The following TLE4 variants were observed in gnomAD, a reference collection of about 807,000 sequenced individuals.
TLE4 encodes the protein transducin-like enhancer protein 4.
Under a neutral mutation model 92.8 loss-of-function variants are expected in TLE4, and 8 were observed. The ratio of observed to expected loss-of-function variants is 0.09; its 90% CI spans 0.05 to 0.16. TLE4 has a LOEUF of 0.16. Ranked by LOEUF, TLE4 falls within the 10% of genes least tolerant of loss-of-function variation. The pLI, the probability that TLE4 is intolerant of heterozygous loss-of-function variation, is 1.00. For missense variants in TLE4, 675 were observed against 997.6 expected, an observed-to-expected ratio of 0.68 and a Z score of 4.36; for synonymous variants, 371 against 374.1, an observed-to-expected ratio of 0.99 and a Z score of 0.10.
In TLE4 at chr9:79,659,329, G is replaced by A. The variant is rs137991157; in HGVS notation, c.609+5254G>A. ...TTTCTATCTATACTTTTTCTTTGCC[G>A]AAGTATTTGTATGCTCATTTTGCTC... On this transcript the variant is annotated intron_variant, in intron 8 of 19. Transcript: ENST00000376552. 5.9e-5 allele frequency among the ~76,000 whole-genome samples: 9 copies of A among 152,102 alleles called. No homozygotes were observed. In the East Asian group the frequency reaches 1.4e-3, roughly 23 times the overall value.
intron 4 of TLE4, among the ~76,000 whole-genome samples, chr9:79,606,739 G>A (rs2047091644): frequency 6.6e-6 from 1 of 152,104 alleles, no homozygotes; most frequent in African/African-American, 2.4e-5. Flanking sequence ...GTATTCCATG[G>A]TGTATATGTA....
At chr9:79,605,596 T>G (rs1454271753) in intron 4 of TLE4, among the ~76,000 whole-genome samples, 1 of 152,080 alleles carries the variant, frequency 6.6e-6, no homozygotes, top group Non-Finnish European at 1.5e-5. Context: ...CTTTAACCAT[T>G]GTAAAAATGC....
chr9:79,706,909 T>C lies in TLE4; in HGVS notation c.936+10T>C. 1 of 1,613,128 alleles carries C rather than the reference T, an allele frequency of 6.2e-7. No homozygotes were observed. On this transcript the variant is annotated intron_variant, in intron 11 of 19. Coordinates refer to ENST00000376552, the MANE Select transcript of TLE4 (RefSeq NM_007005.6). The stretch of plus-strand genomic sequence containing the variant: ...CAAAGAACTTAGCCTTGTAAGCAGC[T>C]CCTTACCATCTCTCTGAGTGTGGCC...
intron 17 of TLE4, among the ~76,000 whole-genome samples, chr9:79,722,090 G>A (rs1040730818): frequency 1.3e-5 from 2 of 152,168 alleles, no homozygotes; most frequent in Non-Finnish European, 2.9e-5. Flanking sequence ...GCTTGAATGC[G>A]GGAGGCAGTG....
intron 14 of TLE4, among the ~76,000 whole-genome samples, chr9:79,716,853 A>G (rs2074596236): frequency 1.3e-5 from 2 of 152,218 alleles, no homozygotes; most frequent in South Asian, 4.1e-4. Flanking sequence ...ATTTCAGGAG[A>G]ACAAGGTGTG....
At chr9:79,702,305 C>G (rs1354616258) in intron 8 of TLE4, among the ~76,000 whole-genome samples, 1 of 152,128 alleles carries the variant, frequency 6.6e-6, no homozygotes, top group Non-Finnish European at 1.5e-5. Context: ...CAGGCTGAAC[C>G]TCTCTTTGGG....
At chr9:79,627,340 A>G in intron 5 of TLE4, 34 bp from the exon 6 acceptor site, 2 of 1,606,028 alleles carry the variant, frequency 1.2e-6, no homozygotes, top group Non-Finnish European at 1.7e-6. Context: ...TAGAAAACAA[A>G]TAATTGTATT....
intron 4 of TLE4, among the ~76,000 whole-genome samples, chr9:79,580,983 G>T (rs1287392396): frequency 6.6e-6 from 1 of 152,096 alleles, no homozygotes; most frequent in East Asian, 1.9e-4. Context: ...CTATGTGTGT[G>T]GGGGTGGGAA....
intron 1 of TLE4, 170 bp from the exon 2 acceptor site, chr9:79,573,519 C>T (rs773246832): frequency 6.1e-5 from 50 of 822,358 alleles, no homozygotes; most frequent in Non-Finnish European, 8.3e-5. Flanking sequence ...AAACCAGCCT[C>T]TGCCTGGGCT....
intron 4 of TLE4, among the ~76,000 whole-genome samples, chr9:79,592,083 G>A (rs2042660116): frequency 6.6e-6 from 1 of 151,792 alleles, no homozygotes; most frequent in Non-Finnish European, 1.5e-5. Flanking sequence ...GTAGGAGTGT[G>A]GAAGAGAGTT....
chr9:79,587,866 A>G (rs913259154), intron 4 of TLE4, among the ~76,000 whole-genome samples: 2 of 152,318 alleles, frequency 1.3e-5, no homozygotes, highest in South Asian at 4.1e-4. Flanking sequence ...TGCCCACTGG[A>G]TACCAGGTAA....
chr9:79,576,663 A>G (rs1351160396), intron 4 of TLE4: 1 of 152,208 alleles, frequency 6.6e-6, no homozygotes, highest in Non-Finnish European at 1.5e-5. Context: ...AAATCCTTGT[A>G]CTGGTCCCCT....
chr9:79,723,581 A>C (rs991367844), intron 19 of TLE4, among the ~76,000 whole-genome samples: 1 of 152,166 alleles, frequency 6.6e-6, no homozygotes, highest in African/African-American at 2.4e-5. Context: ...GCGTGCACAC[A>C]CACGCTCTCC....
chr9:79,714,740 T>C (rs1195480518), intron 14 of TLE4, among the ~76,000 whole-genome samples: 1 of 152,148 alleles, frequency 6.6e-6, no homozygotes, highest in Non-Finnish European at 1.5e-5. Flanking sequence ...ACCAGGTGCA[T>C]TACCTAGTTT....
intron 8 of TLE4, among the ~76,000 whole-genome samples, chr9:79,661,083 A>G (rs2060469658): frequency 6.6e-6 from 1 of 152,208 alleles, no homozygotes; most frequent in South Asian, 2.1e-4. Flanking sequence ...AAAATATTAT[A>G]ACGTTTATAG....
chr9:79,632,199 A>G (rs1215232988), intron 6 of TLE4, among the ~76,000 whole-genome samples: 1 of 152,138 alleles, frequency 6.6e-6, no homozygotes, highest in Non-Finnish European at 1.5e-5. Flanking sequence ...CAGGAATTAC[A>G]GCTGCATTGG....
chr9:79,600,230 T>C (rs943669402), intron 4 of TLE4, among the ~76,000 whole-genome samples: 1 of 152,210 alleles, frequency 6.6e-6, no homozygotes, highest in Non-Finnish European at 1.5e-5. Context: ...TTGCTTTACC[T>C]TTAATTTTCT....
At chr9:79,707,608 C>T (rs879835026) in intron 11 of TLE4, among the ~76,000 whole-genome samples, 7 of 152,204 alleles carry the variant, frequency 4.6e-5, no homozygotes, top group South Asian at 4.1e-4. Context: ...ATAAGTGCGA[C>T]GGGCTAGATT....
rs555248184 is a variant in TLE4, at chr9:79,596,070, T to C, written c.253-16586T>C. Among the ~76,000 whole-genome samples the C allele has an allele frequency of 3.9e-5, 6 of 152,188 alleles. 1 individual carries two copies. The highest frequency in any genetic ancestry group is 1.4e-4 in the African/African-American group (6 of 41,544). ...ACCGTGTTAGCCAGGATGGTCTCGATCTCCTGACCTCGTGATCCGCCCGCC... is the reference window on the plus strand; with the variant it reads ...ACCGTGTTAGCCAGGATGGTCTCGACCTCCTGACCTCGTGATCCGCCCGCC... On this transcript the variant is annotated intron_variant, in intron 4 of 19. Coordinates refer to ENST00000376552, the MANE Select transcript of TLE4 (RefSeq NM_007005.6).
Sources: allele counts gnomAD v4.1 joint callset (sites outside exome capture counted in the v4.1 genomes callset), GRCh38; gene constraint gnomAD v4.1.1; transcripts MANE v1.5; gene names NCBI Gene and HGNC (gene_info 2026-07-23, HGNC 2026-07-21).